Variants in KLHL1 observed in about 807,000 individuals in gnomAD.
The protein encoded by KLHL1 is kelch-like protein 1.
A neutral mutation model predicts 77.7 loss-of-function variants in KLHL1; 47 were observed. The observed-to-expected ratio is 0.60, with a 90% CI of 0.48 to 0.77. The LOEUF (loss-of-function observed/expected upper bound fraction) is 0.77, where lower values mean the gene tolerates loss of function less well. KLHL1 is among the 30% of genes least tolerant of loss of function. The pLI, the probability that KLHL1 is intolerant of heterozygous loss-of-function variation, is 0.00. For synonymous variants in KLHL1, 360 were observed against 325.2 expected, an observed-to-expected ratio of 1.11 and a Z score of -1.15; for missense variants, 925 against 910.8, an observed-to-expected ratio of 1.02 and a Z score of -0.20.
intron 3 of KLHL1, among the ~76,000 whole-genome samples, chr13:69,943,361 G>C (rs1453059314): frequency 6.6e-6 from 1 of 151,972 alleles, no homozygotes; most frequent in Non-Finnish European, 1.5e-5. Context: ...TTCACTGAAA[G>C]TAAGACAGTA....
intron 7 of KLHL1, among the ~76,000 whole-genome samples, chr13:69,765,486 T>C (rs2137972533): frequency 6.6e-6 from 1 of 152,242 alleles, no homozygotes; most frequent in African/African-American, 2.4e-5. Context: ...AATTGTTTTA[T>C]AATGAGAGTC....
chr13:69,896,339 T>C (rs1881638369), intron 4 of KLHL1, among the ~76,000 whole-genome samples: 4 of 152,200 alleles, frequency 2.6e-5, no homozygotes. Context: ...GGATATTCAC[T>C]GTATCTTATC....
At chr13:69,848,188 C>A (rs1879545214) in intron 5 of KLHL1, among the ~76,000 whole-genome samples, 1 of 151,514 alleles carries the variant, frequency 6.6e-6, no homozygotes, top group Non-Finnish European at 1.5e-5. Flanking sequence ...CCCCACCTTT[C>A]AGACTTTATT....
chr13:69,979,310 T>C (rs900274096), intron 1 of KLHL1, among the ~76,000 whole-genome samples: 2 of 152,112 alleles, frequency 1.3e-5, no homozygotes, highest in Non-Finnish European at 2.9e-5. Context: ...GTTATGTTTG[T>C]TTCACTTGAT....
At chr13:69,993,775 AAAC>A (rs1885083394) in intron 1 of KLHL1, among the ~76,000 whole-genome samples, 1 of 152,100 alleles carries the variant, frequency 6.6e-6, no homozygotes, top group African/African-American at 2.4e-5. Flanking sequence ...TGTTCATTGG[AAAC>A]AACCATGATG....
chr13:70,107,485 G>A lies in KLHL1; in HGVS notation c.215C>T (p.Pro72Leu), dbSNP rs779782206. The A allele has an allele frequency of 6.2e-7, 1 of 1,613,486 alleles. No homozygotes were observed. The change falls in exon 1 of 11, where the codon CCT (proline) becomes CTT (leucine). Residue 72 changes from proline to leucine, a missense_variant. Transcript: ENST00000377844. Reference protein sequence around the residue: ...RSGVSTFWKKPSSSSSSSSSP... With the variant: ...RSGVSTFWKKLSSSSSSSSSP... ...GGACGATGAAGAGGAAGAGGAGGAA[G>A]GCTTCTTCCAGAAAGTGCTCACACC...
At chr13:69,889,251 G>A (rs955624572) in intron 4 of KLHL1, among the ~76,000 whole-genome samples, 1 of 151,952 alleles carries the variant, frequency 6.6e-6, no homozygotes, top group Non-Finnish European at 1.5e-5. Flanking sequence ...TGCCTTGCCT[G>A]AATTTTTAAT....
intron 5 of KLHL1, among the ~76,000 whole-genome samples, chr13:69,858,045 A>G (rs1879988979): frequency 6.6e-6 from 1 of 152,086 alleles, no homozygotes; most frequent in South Asian, 2.1e-4. Flanking sequence ...ATACATCAGC[A>G]GAAGCAGATG....
chr13:69,900,123 G>C (rs59988404), intron 4 of KLHL1, among the ~76,000 whole-genome samples: 9,495 of 152,180 alleles, frequency 0.062, 382 homozygotes, highest in African/African-American at 0.11. Flanking sequence ...TTCTGGAATA[G>C]ATGAATACTC....
chr13:69,978,313 T>C (rs192877462), intron 1 of KLHL1, among the ~76,000 whole-genome samples: 11 of 151,612 alleles, frequency 7.3e-5, no homozygotes, highest in Admixed American at 7.2e-4. Flanking sequence ...AAGGAAACCC[T>C]GATGCTTCTT....
At chr13:69,753,853 T>G (rs1172803143) in intron 7 of KLHL1, among the ~76,000 whole-genome samples, 1 of 151,614 alleles carries the variant, frequency 6.6e-6, no homozygotes, top group Non-Finnish European at 1.5e-5. Context: ...AAAAAAAAAT[T>G]TTGAGACCAG....
chr13:69,926,059 T>G (rs949102671), intron 4 of KLHL1, among the ~76,000 whole-genome samples: 14 of 152,254 alleles, frequency 9.2e-5, no homozygotes, highest in Admixed American at 4.6e-4. Flanking sequence ...TCTTTTAACC[T>G]TGCACAATAT....
At chr13:69,731,183 T>G (rs1299459004) in intron 8 of KLHL1, among the ~76,000 whole-genome samples, 3 of 152,140 alleles carry the variant, frequency 2.0e-5, no homozygotes, top group Non-Finnish European at 4.4e-5. Context: ...GTGACAATAT[T>G]AACACAAATG....
At chr13:69,892,987 A>G (rs1430397513) in intron 4 of KLHL1, among the ~76,000 whole-genome samples, 3 of 152,214 alleles carry the variant, frequency 2.0e-5, no homozygotes, top group African/African-American at 7.2e-5. Context: ...TGAATAATTT[A>G]CTAGTTGCTT....
intron 3 of KLHL1, among the ~76,000 whole-genome samples, chr13:69,960,048 A>T (rs1249266630): frequency 6.6e-6 from 1 of 151,932 alleles, no homozygotes. Context: ...ATTAAGACCA[A>T]AAAATGTCTA....
chr13:69,737,024 C>T (rs529339519), intron 8 of KLHL1, among the ~76,000 whole-genome samples: 8 of 152,178 alleles, frequency 5.3e-5, no homozygotes, highest in Non-Finnish European at 1.2e-4. Flanking sequence ...AGGTGGTTGG[C>T]GCAACCCACG....
At chr13:69,851,035 A>G (rs1206663228) in intron 5 of KLHL1, among the ~76,000 whole-genome samples, 1 of 151,612 alleles carries the variant, frequency 6.6e-6, no homozygotes, top group Non-Finnish European at 1.5e-5. Flanking sequence ...ATGTTCTGTA[A>G]TTTCTTCAAT....
intron 1 of KLHL1, among the ~76,000 whole-genome samples, chr13:70,084,461 C>CTTTTTTTTTTTTTTTTTTTTTTTTTT (rs1324246935): frequency 8.7e-6 from 1 of 115,104 alleles, no homozygotes; most frequent in Admixed American, 1.0e-4. Flanking sequence ...ATTTCTTCTT[C>CTTTTTTTTTTTTTTTTTTTTTTTTTT]TTCTTTTTTT....
intron 6 of KLHL1, among the ~76,000 whole-genome samples, chr13:69,837,061 T>C (rs150978021): frequency 3.5e-4 from 53 of 152,082 alleles, no homozygotes; most frequent in African/African-American, 1.2e-3. Context: ...AAAAGGTTTT[T>C]TAAGACAAAA....
Sources: gnomAD v4.1 joint callset for allele counts (sites outside exome capture counted in the v4.1 genomes callset) on GRCh38, gnomAD v4.1.1 for gene constraint, MANE v1.5 for transcripts, NCBI Gene and HGNC (gene_info 2026-07-23, HGNC 2026-07-21) for gene names.